Variants in FAM186A observed in about 807,000 individuals in gnomAD.
FAM186A encodes the protein family with sequence similarity 186 member A.
Under a neutral mutation model 216.8 loss-of-function variants are expected in FAM186A, and 163 were observed. The observed-to-expected ratio is 0.75, with a 90% CI of 0.66 to 0.86. The LOEUF (loss-of-function observed/expected upper bound fraction) is 0.86. Ranked by LOEUF, FAM186A falls within the 40% of genes least tolerant of loss-of-function variation. The pLI, the probability that FAM186A is intolerant of heterozygous loss-of-function variation, is 0.00. For missense variants in FAM186A, 2,184 were observed against 2,746.2 expected, an observed-to-expected ratio of 0.80 and a Z score of 4.58; for synonymous variants, 805 against 1,025.3, an observed-to-expected ratio of 0.79 and a Z score of 4.10.
At chr12:50,391,684 C>T (rs2136108775) in intron 1 of FAM186A, among the ~76,000 whole-genome samples, 1 of 152,258 alleles carries the variant, frequency 6.6e-6, no homozygotes, top group Non-Finnish European at 1.5e-5. Flanking sequence ...GATCTTGGCT[C>T]ACTGCAGCCT....
chr12:50,374,163 A>C, intron 1 of FAM186A, among the ~76,000 whole-genome samples: 1 of 72,356 alleles, frequency 1.4e-5, no homozygotes, highest in South Asian at 5.7e-4. Flanking sequence ...GGGTGGGGGG[A>C]GGGGGGAGGG....
intron 2 of FAM186A, among the ~76,000 whole-genome samples, chr12:50,362,774 G>C (rs140219203): frequency 1.4e-5 from 2 of 142,344 alleles, no homozygotes; most frequent in Non-Finnish European, 3.1e-5. Context: ...AAAGGGTAAA[G>C]TGTAAGGAAA....
intron 7 of FAM186A, among the ~76,000 whole-genome samples, chr12:50,327,644 C>T (rs1440109224): frequency 6.6e-6 from 1 of 151,210 alleles, no homozygotes; most frequent in Non-Finnish European, 1.5e-5. Flanking sequence ...TGGGCTCAAG[C>T]AATCCTCCCA....
At position 50,352,193 on chromosome 12, in the gene FAM186A, G is replaced by T; in HGVS notation, c.4639C>A (p.Gln1547Lys). 1 of 1,529,820 alleles carries T rather than the reference G, an allele frequency of 6.5e-7. No individual in the cohort carries two copies. Among genetic ancestry groups the T allele is most frequent in the Admixed American group, 2.0e-5 (1 of 49,446 alleles). The allele number at this position is 1,529,820 out of a possible 1,614,324, so 94.8% of individuals were successfully genotyped here. Residue 1547 changes from glutamine (Q) to lysine (K), a missense_variant, in exon 4 of 8, where the codon CAG becomes AAG. Gln to Lys is a moderately conservative substitution (Grantham distance 53, BLOSUM62 1). Coordinates refer to ENST00000327337, the MANE Select transcript of FAM186A (RefSeq NM_001145475.3). The stretch of plus-strand genomic sequence containing the variant: ...AGAGGGATCCCCAGGGCCTGGACCT[G>T]CTGAGGGGTGAGAGGGATCCCCAAT... ...QELGIPLTPQ[Q>K]VQALGIPLIP... is the part of the protein sequence containing the mutation.
chr12:50,354,785 T>C lies in FAM186A; in HGVS notation c.2047A>G (p.Lys683Glu), dbSNP rs1239182992. The C allele has an allele frequency of 8.5e-6, 13 of 1,534,820 alleles. No individual in the cohort carries two copies. The East Asian group carries it at 9.8e-5, about 12-fold the overall frequency. The change falls in exon 4 of 8, where the codon AAA (lysine) becomes GAA (glutamate). Residue 683 changes from lysine to glutamate, a missense_variant. Around this residue, in one of 7 missense-constraint regions of FAM186A, gnomAD observed 1,132 missense variants for 1,263.4 expected, o/e 0.90. Transcript: ENST00000327337. ...AAAGCCTTTCCTATGTTATCAATTTTCTGTTTTAGGAAAGCCATTATGGCT... is the reference window on the plus strand; with the variant it reads ...AAAGCCTTTCCTATGTTATCAATTTCCTGTTTTAGGAAAGCCATTATGGCT... ...QEAIMAFLKQKIDNIGKAFDK... is the reference protein window; with the variant it reads ...QEAIMAFLKQEIDNIGKAFDK...
At chr12:50,368,165 G>A (rs1416560051) in intron 1 of FAM186A, among the ~76,000 whole-genome samples, 3 of 150,322 alleles carry the variant, frequency 2.0e-5, no homozygotes, top group Non-Finnish European at 4.4e-5. Flanking sequence ...ATATTGAGAG[G>A]CCGAGACAGG....
At chr12:50,386,398 A>T (rs923807568) in intron 1 of FAM186A, among the ~76,000 whole-genome samples, 1 of 151,708 alleles carries the variant, frequency 6.6e-6, no homozygotes, top group African/African-American at 2.4e-5. Context: ...CTCCAGCCTG[A>T]GAGACAGAGT....
chr12:50,382,168 A>G (rs1487548675), intron 1 of FAM186A, among the ~76,000 whole-genome samples: 2 of 148,546 alleles, frequency 1.3e-5, no homozygotes, highest in Non-Finnish European at 3.0e-5. Flanking sequence ...CTTGATGCCC[A>G]TGGCTTTCGT....
chr12:50,349,647 TTTA>T (rs71683830), intron 4 of FAM186A, among the ~76,000 whole-genome samples: 148,409 of 151,752 alleles, frequency 0.98, 72,657 homozygotes, highest in East Asian at 1. Flanking sequence ...AGGATCTCTT[TTTA>T]TTATTATTAT....
intron 1 of FAM186A, chr12:50,365,728 G>A (rs769107850): frequency 2.5e-5 from 19 of 751,502 alleles, no homozygotes; most frequent in African/African-American, 5.1e-5. Flanking sequence ...TCCCACATTC[G>A]CAGGAAGATT....
chr12:50,365,249 T>C (rs1424206083), intron 1 of FAM186A, among the ~76,000 whole-genome samples: 1 of 152,182 alleles, frequency 6.6e-6, no homozygotes, highest in Non-Finnish European at 1.5e-5. Context: ...AAACTGAATT[T>C]GTATCAGCCT....
intron 4 of FAM186A, among the ~76,000 whole-genome samples, chr12:50,346,263 A>AAGAAAGAAAGAAAGAAAGAAAGAAAGAG (rs1565881718): frequency 1.3e-5 from 2 of 150,264 alleles, no homozygotes; most frequent in Non-Finnish European, 3.0e-5. Context: ...GAAAGAAAGA[A>AAGAAAGAAAGAAAGAAAGAAAGAAAGAG]AGTCATACAG....
chr12:50,343,826 G>A (rs1264384817), intron 4 of FAM186A, among the ~76,000 whole-genome samples: 2 of 151,896 alleles, frequency 1.3e-5, no homozygotes, highest in African/African-American at 4.8e-5. Context: ...CACTGTGTTA[G>A]CCAGGATAGT....
intron 1 of FAM186A, among the ~76,000 whole-genome samples, chr12:50,364,939 G>T (rs1943072976): frequency 6.7e-6 from 1 of 150,226 alleles, no homozygotes; most frequent in Non-Finnish European, 1.5e-5. Context: ...TCAGGAAGCT[G>T]AGGCAGGAGA....
At chr12:50,379,625 A>G (rs910564594) in intron 1 of FAM186A, among the ~76,000 whole-genome samples, 3 of 151,850 alleles carry the variant, frequency 2.0e-5, no homozygotes, top group African/African-American at 7.3e-5. Flanking sequence ...CATCTCTATT[A>G]AAAATACAAA....
At position 50,370,123 on chromosome 12, in the gene FAM186A, C is replaced by CAAAAA. The variant is rs56403101; in HGVS notation, c.193-6764_193-6760dup. On this transcript the variant is annotated intron_variant, in intron 1 of 7. Coordinates refer to ENST00000327337, the MANE Select transcript of FAM186A (RefSeq NM_001145475.3). ...TGGGCGACAGAGCGAGACTCCATCT[C>CAAAAA]AAAAAAAAAAAAAAAAAAAAAAAAG... Among the ~76,000 whole-genome samples the CAAAAA allele has an allele frequency of 2.8e-3, 107 of 38,434 alleles. 14 individuals are homozygous for CAAAAA. Among genetic ancestry groups the CAAAAA allele is most frequent in the East Asian group, 5.6e-3 (6 of 1,076 alleles). The allele number at this position is 38,434 out of a possible 152,430, so 25.2% of individuals were successfully genotyped here.
In FAM186A at chr12:50,350,963, C is replaced by T. The variant is rs372503201; in HGVS notation, c.5869G>A (p.Ala1957Thr). ...WSPSVAKKRL[A>T]IISSLKSKSV... is the part of the protein sequence containing the mutation. Reference sequence around the variant, plus strand: ...TTAGATTTCAGAGAAGAAATAATTGCCAATCTTTTCTTAGCAACAGAAGGG... The same window carrying T: ...TTAGATTTCAGAGAAGAAATAATTGTCAATCTTTTCTTAGCAACAGAAGGG... The change falls in exon 4 of 8, where the codon GCA (alanine) becomes ACA (threonine). Residue 1957 changes from alanine to threonine, a missense_variant. By Grantham distance (58) the Ala-to-Thr change is moderately conservative. This residue lies in a region of FAM186A where 721 missense variants were observed against 816.4 expected (regional missense o/e 0.88). Coordinates refer to ENST00000327337, the MANE Select transcript of FAM186A (RefSeq NM_001145475.3). 84 of 1,551,398 alleles carry T rather than the reference C, an allele frequency of 5.4e-5. 1 individual carries two copies. In the South Asian group the frequency reaches 8.2e-4, roughly 15 times the overall value.
At position 50,353,646 on chromosome 12, in the gene FAM186A, A is replaced by T. The variant is rs1034602261; in HGVS notation, c.3186T>A (p.Leu1062=). Residue 1062 remains leucine (L), a synonymous_variant, in exon 4 of 8, where the codon CTT becomes CTA. Coordinates refer to ENST00000327337, the MANE Select transcript of FAM186A (RefSeq NM_001145475.3). ...TAGTGAGAGGCTGGCCAGAAATAGG[A>T]AGAGCTCCAGGCAGGGAGTATTGTA... is the stretch of plus-strand genomic sequence containing the variant. ...PSLQYSLPGA[L]PISGQPLTKC... 26 of 1,534,878 alleles carry T rather than the reference A, an allele frequency of 1.7e-5. No individual in the cohort carries two copies. Among genetic ancestry groups the T allele is most frequent in the Non-Finnish European group, 2.2e-5 (25 of 1,140,532 alleles).
In FAM186A at chr12:50,353,821, T is replaced by C. The variant is rs1942939879; in HGVS notation, c.3011A>G (p.Gln1004Arg). ...CCTGGGAGATAATGTCATTGGAGTT[T>C]GGATGACCATTTTTTCTAGCTCTTT... ...QPKELEKMVI[Q>R]TPMTLSPRWK... Residue 1004 changes from glutamine (Q) to arginine (R), a missense_variant, in exon 4 of 8, where the codon CAA (glutamine) becomes CGA (arginine). Coordinates refer to ENST00000327337, the MANE Select transcript of FAM186A (RefSeq NM_001145475.3). The C allele has an allele frequency of 6.4e-7, 1 of 1,551,586 alleles. No individual in the cohort carries two copies. The highest frequency in any genetic ancestry group is 8.7e-7 in the Non-Finnish European group (1 of 1,146,972).
Sources: gnomAD v4.1 joint callset for allele counts (sites outside exome capture counted in the v4.1 genomes callset) on GRCh38, gnomAD v4.1.1 for gene constraint, gnomAD v4.1.1 regional missense constraint, MANE v1.5 for transcripts, NCBI Gene and HGNC (gene_info 2026-07-23, HGNC 2026-07-21) for gene names.